Variants in ZNF814 observed in about 807,000 individuals in gnomAD.
The protein encoded by ZNF814 is zinc finger protein 814.
Under a neutral mutation model 7.5 loss-of-function variants are expected in ZNF814, and 5 were observed. The observed-to-expected ratio is 0.67, with a 90% confidence interval of 0.35 to 1.40. The LOEUF is 1.40. Ranked by LOEUF, ZNF814 falls within the 40% of genes most tolerant of loss-of-function variation. The pLI, the probability that ZNF814 is intolerant of heterozygous loss-of-function variation, is 0.04. For missense variants in ZNF814, 962 were observed against 1,018.0 expected, an observed-to-expected ratio of 0.94 and a Z score of 0.75; for synonymous variants, 315 against 340.7, an observed-to-expected ratio of 0.92 and a Z score of 0.83.
Position 57,873,071 on chromosome 19 carries a change from C to T in ZNF814, c.2319G>A (p.Glu773=), listed in dbSNP as rs1254428771. The change falls in exon 3 of 3, where the codon GAG becomes GAA. Residue 773 remains glutamate, a synonymous_variant. Transcript: ENST00000435989. Reference sequence around the variant, plus strand: ...CGAAAGATTTTCCACATTCACTGCACTCATAAGGCTTTTCTCCAGTGTGAA... The same window carrying T: ...CGAAAGATTTTCCACATTCACTGCATTCATAAGGCTTTTCTCCAGTGTGAA... The part of the protein sequence containing the change: ...KRIHTGEKPY[E]CSECGKSFAE... The T allele has an allele frequency of 2.5e-6, 4 of 1,613,594 alleles. No homozygotes were observed. In the Admixed American group the frequency reaches 6.7e-5, roughly 27 times the overall value.
chr19:57,888,824 G>A lies in ZNF814; in HGVS notation c.-22C>T, dbSNP rs3948443. On this transcript the variant is annotated 5_prime_UTR_variant, in exon 1 of 3. Transcript: ENST00000435989. ...CCATCGAACCACGTGGTTTTAAGCA[G>A]AGTCGGGAGGATAGGGCGACCAGCC... is the stretch of plus-strand genomic sequence containing the variant. 1.9e-6 allele frequency: 3 copies of A among 1,551,706 alleles called. No homozygotes were observed. In the African/African-American group the frequency reaches 4.1e-5, roughly 21 times the overall value.
chr19:57,877,663 G>A (rs751250013), intron 1 of ZNF814, among the ~76,000 whole-genome samples: 7 of 151,576 alleles, frequency 4.6e-5, no homozygotes, highest in East Asian at 1.9e-4. Context: ...AGCTGGTCTC[G>A]AACTCCTGAC....
At chr19:57,877,893 G>A (rs906173136) in intron 1 of ZNF814, among the ~76,000 whole-genome samples, 12 of 151,990 alleles carry the variant, frequency 7.9e-5, no homozygotes, top group Non-Finnish European at 1.3e-4. Flanking sequence ...AGCCAGGCGC[G>A]GTGGCTCACA....
chr19:57,898,202 C>CT, the ZNF814 span, among the ~76,000 whole-genome samples: 2 of 152,182 alleles, frequency 1.3e-5, no homozygotes, highest in East Asian at 3.8e-4. Context: ...TTTGCCATGT[C>CT]TAGGGCTGGA....
chr19:57,877,278 G>A (rs529631453), intron 1 of ZNF814, among the ~76,000 whole-genome samples: 3 of 152,020 alleles, frequency 2.0e-5, no homozygotes, highest in East Asian at 1.9e-4. Context: ...CCCTAGTATG[G>A]CCAAGGTCAT....
At position 57,885,175 on chromosome 19, in the gene ZNF814, A is replaced by G. The variant is rs140067864; in HGVS notation, c.36+3592T>C. On this transcript the variant is annotated intron_variant, in intron 1 of 2. Coordinates refer to ENST00000435989, the MANE Select transcript of ZNF814 (RefSeq NM_001144989.2). ...ATCTCTACTAAAAATACAAAAAATT[A>G]CCCAGGTGTGGTGGCACACGTGTTT... Among the ~76,000 whole-genome samples, 1,145 of 152,058 alleles carry G rather than the reference A, an allele frequency of 7.5e-3. 11 individuals carry two copies. The highest frequency in any genetic ancestry group is 0.027 in the African/African-American group (1,106 of 41,468).
At chr19:57,897,839 C>A in the ZNF814 span, among the ~76,000 whole-genome samples, 1 of 152,192 alleles carries the variant, frequency 6.6e-6, no homozygotes. Context: ...CAGAGAGATT[C>A]AACTAGTTGT....
In ZNF814 at chr19:57,872,980, C is replaced by T; in HGVS notation, c.2410G>A (p.Glu804Lys). Residue 804 changes from glutamate to lysine, a missense_variant, in exon 3 of 3, where the codon GAA becomes AAA. Physicochemically the swap from Glu to Lys is moderately conservative, Grantham distance 56 (BLOSUM62 1). Around this residue, in one of 7 missense-constraint regions of ZNF814, gnomAD observed 665 missense variants for 551.4 expected, o/e 1.21. Coordinates refer to ENST00000435989, the MANE Select transcript of ZNF814 (RefSeq NM_001144989.2). Reference sequence around the variant, plus strand: ...CTTTCAGCAAAAGATTTTCCACATTCACTGCACTCATAAGGCTTTTCTCCA... The same window carrying T: ...CTTTCAGCAAAAGATTTTCCACATTTACTGCACTCATAAGGCTTTTCTCCA... ...HTGEKPYECSECGKSFAESSS... is the reference protein window; with the variant it reads ...HTGEKPYECSKCGKSFAESSS... 1 of 1,613,784 alleles carries T rather than the reference C, an allele frequency of 6.2e-7. No homozygotes were observed. The highest frequency in any genetic ancestry group is 1.1e-5 in the South Asian group (1 of 91,054).
At chr19:57,897,112 C>T in the ZNF814 span, among the ~76,000 whole-genome samples, 2 of 152,298 alleles carry the variant, frequency 1.3e-5, no homozygotes, top group East Asian at 1.9e-4. Context: ...TATTGCTCAG[C>T]TCCAGGAGGC....
At chr19:57,904,785 C>T in the ZNF814 span, among the ~76,000 whole-genome samples, 3 of 151,136 alleles carry the variant, frequency 2.0e-5, no homozygotes, top group African/African-American at 4.8e-5. Flanking sequence ...GAGTGGTGGC[C>T]CACGCCTGTA....
the ZNF814 span, among the ~76,000 whole-genome samples, chr19:57,896,769 T>C: frequency 6.6e-6 from 1 of 152,210 alleles, no homozygotes; most frequent in Non-Finnish European, 1.5e-5. The surrounding 1 kb of genome is among the most constrained non-coding windows in gnomAD (Gnocchi z 4.2). Flanking sequence ...CTCTGAATAA[T>C]AGATTGATAA....
At chr19:57,879,890 A>G (rs1288557128) in intron 1 of ZNF814, among the ~76,000 whole-genome samples, 1 of 122,932 alleles carries the variant, frequency 8.1e-6, no homozygotes, top group African/African-American at 3.2e-5. Flanking sequence ...TCAGGAGTTC[A>G]AGACCAGCCT....
chr19:57,904,297 TTTGA>T, the ZNF814 span, among the ~76,000 whole-genome samples: 4 of 152,170 alleles, frequency 2.6e-5, no homozygotes, highest in Non-Finnish European at 5.9e-5. Flanking sequence ...TGCTTCTTTG[TTTGA>T]TTACCAATAA....
Position 57,876,985 on chromosome 19 carries a change from G to C in ZNF814, c.94C>G (p.Leu32Val). 6.2e-7 allele frequency: 1 copy of C among 1,614,098 alleles called. No homozygotes were observed. Among genetic ancestry groups the C allele is most frequent in the South Asian group, 1.1e-5 (1 of 91,088 alleles). ...TACAGGCATCTCTGAGCCTCACTAA[G>C]GAGATTCCATTCCTCCCAGGTAAAG... ...VNFTWEEWNLLSEAQRCLYRD... is the reference protein window; with the variant it reads ...VNFTWEEWNLVSEAQRCLYRD... Residue 32 changes from leucine (L) to valine (V), a missense_variant, in exon 2 of 3, where the codon CTT becomes GTT. Around this residue, in one of 7 missense-constraint regions of ZNF814, gnomAD observed 63 missense variants for 65.0 expected, o/e 0.97. Transcript: ENST00000435989.
At position 57,872,587 on chromosome 19, in the gene ZNF814, G is replaced by C. The variant is rs187968320; in HGVS notation, c.*235C>G. On this transcript the variant is annotated 3_prime_UTR_variant, in exon 3 of 3. Transcript: ENST00000435989. ...GCTGCAATCACAAGACCTTACTCCAGTGTGAACTCTCCTGTGTTTAATGAG... is the reference window on the plus strand; with the variant it reads ...GCTGCAATCACAAGACCTTACTCCACTGTGAACTCTCCTGTGTTTAATGAG... 5 of 1,130,016 alleles carry C rather than the reference G, an allele frequency of 4.4e-6. No individual in the cohort carries two copies. In the Admixed American group the frequency reaches 1.1e-4, roughly 25 times the overall value. 70.0% of individuals were successfully genotyped at this position (1,130,016 alleles called of 1,614,324 possible). A position where few individuals can be genotyped will look rare whatever the true frequency, so the allele number is the denominator to read the frequency against.
intron 1 of ZNF814, among the ~76,000 whole-genome samples, chr19:57,878,150 G>A (rs1288206634): frequency 9.3e-6 from 1 of 107,702 alleles, no homozygotes; most frequent in African/African-American, 3.8e-5. Context: ...TGGGCAACAA[G>A]AGCAAAACTC....
upstream of ZNF814, among the ~76,000 whole-genome samples, chr19:57,891,252 G>C (rs182278707): frequency 6.6e-6 from 1 of 152,154 alleles, no homozygotes; most frequent in African/African-American, 2.4e-5. Flanking sequence ...GGGGCCAGGC[G>C]CGGTGGCTCA....
At position 57,872,944 on chromosome 19, in the gene ZNF814, T is replaced by A. The variant is rs780989252; in HGVS notation, c.2446A>T (p.Thr816Ser). Reference protein sequence around the residue: ...GKSFAESSSLTKHKRVHTGEK... With the variant: ...GKSFAESSSLSKHKRVHTGEK... ...CCAGTGTGAACTCTCTTGTGTTTAG[T>A]GAGACTGGAGCTTTCAGCAAAAGAT... Residue 816 changes from threonine (T) to serine (S), a missense_variant, in exon 3 of 3, where the codon ACT becomes TCT. By Grantham distance (58) the Thr-to-Ser change is moderately conservative. Around this residue, in one of 7 missense-constraint regions of ZNF814, gnomAD observed 665 missense variants for 551.4 expected, o/e 1.21. Transcript: ENST00000435989. 27 of 1,613,730 alleles carry A rather than the reference T, an allele frequency of 1.7e-5. No individual in the cohort carries two copies. In the Admixed American group the frequency reaches 4.5e-4, roughly 27 times the overall value.
At chr19:57,890,163 G>A (rs546945674), upstream of ZNF814, among the ~76,000 whole-genome samples, 21 of 152,288 alleles carry the variant, frequency 1.4e-4, no homozygotes, top group African/African-American at 3.6e-4. Flanking sequence ...TAAAATGAAC[G>A]TGTAAACACC....
Sources: gnomAD v4.1 joint callset for allele counts (sites outside exome capture counted in the v4.1 genomes callset) on GRCh38, gnomAD v4.1.1 for gene constraint, gnomAD v4.1.1 regional missense constraint, Gnocchi (gnomAD v3.1) non-coding constraint, MANE v1.5 for transcripts, NCBI Gene and HGNC (gene_info 2026-07-23, HGNC 2026-07-21) for gene names.